The following KLHL29 variants were observed in gnomAD, a reference collection of about 807,000 sequenced individuals.
KLHL29 encodes the protein kelch like family member 29, also known as kelch-like protein 29.
A neutral mutation model predicts 80.4 loss-of-function variants in KLHL29; 21 were observed. The ratio of observed to expected loss-of-function variants is 0.26; its 90% CI spans 0.19 to 0.38. KLHL29 has a LOEUF of 0.38. KLHL29 is among the 10% of genes least tolerant of loss of function. KLHL29 has a pLI of 1.00. For synonymous variants in KLHL29, 511 were observed against 526.8 expected (o/e 0.97, Z 0.41); for missense variants, 867 against 1,223.9 (o/e 0.71, Z 4.35).
chr2:23,424,081 C>G (rs1410771696), intron 1 of KLHL29, among the ~76,000 whole-genome samples: 1 of 152,182 alleles, frequency 6.6e-6, no homozygotes, highest in Non-Finnish European at 1.5e-5. Flanking sequence ...TGCTCCTTTT[C>G]TTGTAATAAC....
At chr2:23,565,135 G>C (rs79094099) in intron 3 of KLHL29, among the ~76,000 whole-genome samples, 1 of 152,154 alleles carries the variant, frequency 6.6e-6, no homozygotes, top group Non-Finnish European at 1.5e-5. Context: ...GTCTCATATT[G>C]GTGCTGACCT....
intron 3 of KLHL29, among the ~76,000 whole-genome samples, chr2:23,634,869 C>T (rs968739343): frequency 6.6e-6 from 1 of 152,232 alleles, no homozygotes; most frequent in African/African-American, 2.4e-5. Flanking sequence ...TTCATTCATT[C>T]ATTCATTCAT....
At chr2:23,391,080 A>G (rs1254584163) in intron 1 of KLHL29, among the ~76,000 whole-genome samples, 1 of 152,218 alleles carries the variant, frequency 6.6e-6, no homozygotes, top group Non-Finnish European at 1.5e-5. Context: ...AGCCCCTGGC[A>G]TCCGCCATTC....
chr2:23,437,212 C>T (rs1020514825), intron 1 of KLHL29, among the ~76,000 whole-genome samples: 2 of 152,214 alleles, frequency 1.3e-5, no homozygotes, highest in Non-Finnish European at 2.9e-5. Flanking sequence ...AATCAACAGT[C>T]ATTCTAATCT....
intron 3 of KLHL29, among the ~76,000 whole-genome samples, chr2:23,625,204 C>A (rs1381411474): frequency 6.6e-6 from 1 of 152,238 alleles, no homozygotes; most frequent in Non-Finnish European, 1.5e-5. Flanking sequence ...TCCTGGGAAG[C>A]CACATGGTCT....
chr2:23,510,893 T>C (rs1477525709), intron 2 of KLHL29, among the ~76,000 whole-genome samples: 3 of 152,162 alleles, frequency 2.0e-5, no homozygotes, highest in African/African-American at 7.2e-5. Context: ...GGGAATACTC[T>C]GGTGAAGAAT....
intron 2 of KLHL29, among the ~76,000 whole-genome samples, chr2:23,561,243 G>A (rs565374577): frequency 5.2e-4 from 79 of 152,322 alleles, no homozygotes; most frequent in African/African-American, 1.8e-3. Context: ...TTGACCGAGA[G>A]TAACACCAGG....
rs143009876 is a variant in KLHL29 at position 23,536,918 on chromosome 2, A to ACACACACACTCT, written c.-45-25233_-45-25232insACACACACTCTC. On this transcript the variant is annotated intron_variant, in intron 2 of 13. Coordinates refer to ENST00000486442, the MANE Select transcript of KLHL29 (RefSeq NM_052920.2). Reference sequence around the variant, plus strand: ...CACACACACACACACACACACACACACTCTCTCTCTCCCTCTCTCGCTCTC... The same window carrying ACACACACACTCT: ...CACACACACACACACACACACACACACACACACACTCTCTCTCTCTCTCCCTCTCTCGCTCTC... Among the ~76,000 whole-genome samples the ACACACACACTCT allele has an allele frequency of 9.5e-3, 1,336 of 140,714 alleles. 14 individuals carry two copies. Among genetic ancestry groups the ACACACACACTCT allele is most frequent in the African/African-American group, 0.028 (1,026 of 36,978 alleles). 92.3% of individuals were successfully genotyped at this position (140,714 alleles called of 152,430 possible).
At chr2:23,469,468 A>T (rs914823595) in intron 1 of KLHL29, among the ~76,000 whole-genome samples, 3 of 152,234 alleles carry the variant, frequency 2.0e-5, no homozygotes, top group African/African-American at 7.2e-5. Flanking sequence ...CCGCAGCACC[A>T]GGCAGAGGCG....
intron 1 of KLHL29, among the ~76,000 whole-genome samples, chr2:23,431,631 G>A (rs577981023): frequency 2.6e-5 from 4 of 152,146 alleles, no homozygotes; most frequent in South Asian, 4.2e-4. Context: ...GGTGGCTCAC[G>A]CCTGTAATCC....
chr2:23,552,291 G>A lies in KLHL29; in HGVS notation c.-45-9861G>A, dbSNP rs147302170. Among the ~76,000 whole-genome samples the A allele has an allele frequency of 6.6e-3, 1,011 of 152,326 alleles. 11 individuals are homozygous for A. The highest frequency in any genetic ancestry group is 0.023 in the African/African-American group (960 of 41,580). Reference sequence around the variant, plus strand: ...AAACTTCTGGCCATGCTGGCTGTGCGCGTGGCATTGATAGTGATGATGGTT... The same window carrying A: ...AAACTTCTGGCCATGCTGGCTGTGCACGTGGCATTGATAGTGATGATGGTT... On this transcript the variant is annotated intron_variant, in intron 2 of 13. Coordinates refer to ENST00000486442, the MANE Select transcript of KLHL29 (RefSeq NM_052920.2).
intron 5 of KLHL29, among the ~76,000 whole-genome samples, chr2:23,646,075 C>A (rs539312233): frequency 1.3e-5 from 2 of 151,986 alleles, no homozygotes; most frequent in East Asian, 1.9e-4. Context: ...GTATTGAAAG[C>A]TAATTAAAAA....
chr2:23,439,718 G>A (rs1317762365), intron 1 of KLHL29, among the ~76,000 whole-genome samples: 1 of 150,700 alleles, frequency 6.6e-6, no homozygotes, highest in African/African-American at 2.4e-5. Context: ...GCTGAGGAGA[G>A]CTTTACTTCC....
In KLHL29 at chr2:23,639,441, C is replaced by T. The variant is rs539335735; in HGVS notation, c.427+161C>T. Among the ~76,000 whole-genome samples the T allele has an allele frequency of 1.4e-3, 215 of 152,330 alleles. 2 individuals are homozygous for T. The highest frequency in any genetic ancestry group is 4.9e-3 in the African/African-American group (203 of 41,578). ...GGGCAAAGGCACTGTGTGTAATTCC[C>T]TGTGAAGGAGCTGTCCCTCTGCGTC... On this transcript the variant is annotated intron_variant, in intron 4 of 13. Coordinates refer to ENST00000486442, the MANE Select transcript of KLHL29 (RefSeq NM_052920.2).
At chr2:23,522,425 C>T (rs1666133453) in intron 2 of KLHL29, among the ~76,000 whole-genome samples, 1 of 152,174 alleles carries the variant, frequency 6.6e-6, no homozygotes, top group African/African-American at 2.4e-5. Context: ...GCTGGGATTA[C>T]AGGTGTGAGC....
intron 2 of KLHL29, chr2:23,524,268 G>A (rs926455262): frequency 1.2e-5 from 3 of 257,950 alleles, no homozygotes; most frequent in African/African-American, 2.2e-5. Flanking sequence ...AACCCAGAGC[G>A]GGCAGGCAGG....
chr2:23,662,756 C>CTGT lies in KLHL29; in HGVS notation c.940+19907_940+19909dup, dbSNP rs541442679. Among the ~76,000 whole-genome samples, 105 of 152,340 alleles carry CTGT rather than the reference C, an allele frequency of 6.9e-4. 1 individual carries two copies. The South Asian group carries it at 0.021, about 30-fold the overall frequency. ...TCCCCAGCCTGGGCCCACCTACAGA[C>CTGT]TGTCTATGGTGCTCCTTGGACTTGG... On this transcript the variant is annotated intron_variant, in intron 5 of 13. Coordinates refer to ENST00000486442, the MANE Select transcript of KLHL29 (RefSeq NM_052920.2).
intron 5 of KLHL29, among the ~76,000 whole-genome samples, chr2:23,649,028 G>A (rs981538670): frequency 1.3e-5 from 2 of 152,198 alleles, no homozygotes; most frequent in South Asian, 2.1e-4. Context: ...TAGTAGGCTC[G>A]AATAATATTA....
chr2:23,492,697 T>C (rs1321159860), intron 2 of KLHL29, among the ~76,000 whole-genome samples: 1 of 152,196 alleles, frequency 6.6e-6, no homozygotes, highest in Non-Finnish European at 1.5e-5. Flanking sequence ...TCTGAGGCTC[T>C]GTGCAAAACA....
Sources: gnomAD v4.1 joint callset for allele counts (sites outside exome capture counted in the v4.1 genomes callset) on GRCh38, gnomAD v4.1.1 for gene constraint, MANE v1.5 for transcripts, NCBI Gene and HGNC (gene_info 2026-07-23, HGNC 2026-07-21) for gene names.